ADCY5: variants seen among roughly 807,000 people sequenced by gnomAD.
ADCY5 encodes the protein adenylate cyclase 5.
ADCY5 carries 30 observed loss-of-function variants against 119.7 expected under a neutral mutation model. That is an observed-to-expected ratio of 0.25 (90% confidence interval 0.19 to 0.34). The LOEUF (loss-of-function observed/expected upper bound fraction) is 0.34, where lower values mean the gene tolerates loss of function less well. Ranked by LOEUF, ADCY5 falls within the 10% of genes least tolerant of loss-of-function variation. The probability of loss-of-function intolerance (pLI) is 1.00; values close to 1 mark genes in which losing one functional copy is unlikely to be tolerated. For missense variants in ADCY5, 1,324 were observed against 1,775.2 expected (o/e 0.75, Z 4.57); for synonymous variants, 753 against 762.2 (o/e 0.99, Z 0.20).
intron 1 of ADCY5, among the ~76,000 whole-genome samples, chr3:123,383,994 A>C (rs1944130095): frequency 6.6e-6 from 1 of 150,624 alleles, no homozygotes; most frequent in Non-Finnish European, 1.5e-5. Context: ...ACACACACCC[A>C]CCCTTCCTCA....
chr3:123,296,347 T>TG, intron 16 of ADCY5, 131 bp from the exon 17 acceptor site: 1 of 1,105,204 alleles, frequency 9.0e-7, no homozygotes, highest in Non-Finnish European at 1.2e-6. Flanking sequence ...CTTATCCCCC[T>TG]GCTCAAACTT....
chr3:123,444,467 G>A (rs771573663), intron 1 of ADCY5, among the ~76,000 whole-genome samples: 33 of 152,212 alleles, frequency 2.2e-4, no homozygotes, highest in Non-Finnish European at 4.1e-4. Flanking sequence ...AGAAGGAGCC[G>A]AGGGGGAGGG....
At position 123,284,659 on chromosome 3, in the gene ADCY5, G is replaced by A. The variant is rs146822618; in HGVS notation, c.3735C>T (p.Gly1245=). The A allele has an allele frequency of 1.2e-6, 2 of 1,614,130 alleles. No homozygotes were observed. The highest frequency in any genetic ancestry group is 2.7e-5 in the African/African-American group (2 of 74,946). Residue 1245 remains glycine (G), a synonymous_variant, in exon 21 of 21, where the codon GGC becomes GGT. Coordinates refer to ENST00000462833, the MANE Select transcript of ADCY5 (RefSeq NM_183357.3). ...GGAAGTAGGTCATCATCTCGCCTTT[G>A]CCCTTGACCTTGACCACGCCCCGGC... The part of the protein sequence containing the change: ...LECRGVVKVK[G]KGEMMTYFLN...
intron 1 of ADCY5, among the ~76,000 whole-genome samples, chr3:123,364,195 A>G (rs1252895387): frequency 6.6e-6 from 1 of 152,182 alleles, no homozygotes. Context: ...TTTCTATTGT[A>G]CATATTACTC....
chr3:123,317,535 G>A (rs1365091390), intron 11 of ADCY5, among the ~76,000 whole-genome samples: 3 of 151,868 alleles, frequency 2.0e-5, no homozygotes, highest in African/African-American at 7.3e-5. Context: ...GGGAGTTTGA[G>A]ACCAGCCTGG....
At chr3:123,359,754 C>T (rs1308822186) in intron 1 of ADCY5, among the ~76,000 whole-genome samples, 2 of 152,172 alleles carry the variant, frequency 1.3e-5, no homozygotes, top group African/African-American at 2.4e-5. Flanking sequence ...GTCCCCTGGC[C>T]CCAGCCCTAA....
At chr3:123,428,879 C>A (rs889115752) in intron 1 of ADCY5, among the ~76,000 whole-genome samples, 1 of 152,188 alleles carries the variant, frequency 6.6e-6, no homozygotes, top group Non-Finnish European at 1.5e-5. Flanking sequence ...TGCACACCTA[C>A]GTTTGTGAGC....
chr3:123,290,536 A>C (rs1337377196), intron 18 of ADCY5, among the ~76,000 whole-genome samples: 1 of 152,230 alleles, frequency 6.6e-6, no homozygotes, highest in African/African-American at 2.4e-5. Flanking sequence ...AGACTGCCCT[A>C]CCGGGCTCTG....
chr3:123,319,890 C>G, intron 9 of ADCY5, 72 bp from the exon 10 acceptor site: 1 of 1,572,330 alleles, frequency 6.4e-7, no homozygotes, highest in Non-Finnish European at 8.7e-7. Context: ...GCTCTTCCGA[C>G]CATCCCCCCA....
intron 1 of ADCY5, among the ~76,000 whole-genome samples, chr3:123,401,196 T>C (rs536113525): frequency 3.7e-4 from 56 of 152,252 alleles, no homozygotes; most frequent in Non-Finnish European, 6.9e-4. Context: ...AAAACTTACA[T>C]AGCAAAGATC....
At chr3:123,367,934 C>A (rs1204645256) in intron 1 of ADCY5, 4 of 1,535,682 alleles carry the variant, frequency 2.6e-6, no homozygotes, top group Middle Eastern at 3.3e-4. Context: ...CTAGATGGGG[C>A]CATGTCTTCC....
intron 12 of ADCY5, among the ~76,000 whole-genome samples, chr3:123,311,475 T>G (rs1464399770): frequency 6.6e-6 from 1 of 152,174 alleles, no homozygotes; most frequent in African/African-American, 2.4e-5. Context: ...TGTCTTCACG[T>G]GCAAGCTGTT....
At chr3:123,299,227 C>G (rs748642326) in intron 15 of ADCY5, among the ~76,000 whole-genome samples, 2 of 152,162 alleles carry the variant, frequency 1.3e-5, no homozygotes, top group African/African-American at 2.4e-5. Context: ...GAGGAGTCCC[C>G]TTCCCTTCTA....
chr3:123,345,745 GAC>G, intron 3 of ADCY5, among the ~76,000 whole-genome samples: 2 of 107,382 alleles, frequency 1.9e-5, no homozygotes, highest in African/African-American at 9.6e-5. Flanking sequence ...GAGACAGACA[GAC>G]AGACAGACAG....
intron 14 of ADCY5, among the ~76,000 whole-genome samples, chr3:123,301,854 G>A (rs966940351): frequency 6.6e-6 from 1 of 152,144 alleles, no homozygotes; most frequent in Admixed American, 6.5e-5. Context: ...GGGGAGGCTA[G>A]GAAGGGGAGG....
intron 1 of ADCY5, among the ~76,000 whole-genome samples, chr3:123,379,331 T>G (rs1943949935): frequency 6.6e-6 from 1 of 151,864 alleles, no homozygotes; most frequent in African/African-American, 2.4e-5. Flanking sequence ...GGGGTGATGC[T>G]GGTATAGAGG....
intron 3 of ADCY5, among the ~76,000 whole-genome samples, chr3:123,336,456 C>G (rs142202638): frequency 3.9e-5 from 6 of 152,224 alleles, no homozygotes; most frequent in Admixed American, 3.9e-4. Flanking sequence ...GCAGGCAGCA[C>G]GACCAGTGGC....
Position 123,291,099 on chromosome 3 carries a change from G to A in ADCY5, c.3327+14C>T. 1 of 1,603,062 alleles carries A rather than the reference G, an allele frequency of 6.2e-7. No homozygotes were observed. The highest frequency in any genetic ancestry group is 1.1e-5 in the South Asian group (1 of 89,098). On this transcript the variant is annotated intron_variant, in intron 18 of 20. Transcript: ENST00000462833. ...CTCCCAGGAACACAGCCTGACCCAG[G>A]CCCCGCTGTGCACCTCATCAAAGTC...
intron 1 of ADCY5, among the ~76,000 whole-genome samples, chr3:123,409,691 A>G (rs1042090771): frequency 3.9e-5 from 6 of 152,128 alleles, no homozygotes; most frequent in African/African-American, 1.4e-4. Context: ...AAACTCTGGG[A>G]GCCCAGCAAG....
Sources: allele counts gnomAD v4.1 joint callset (sites outside exome capture counted in the v4.1 genomes callset), GRCh38; gene constraint gnomAD v4.1.1; transcripts MANE v1.5; gene names NCBI Gene and HGNC (gene_info 2026-07-23, HGNC 2026-07-21).